SDK1: variants seen among roughly 807,000 people sequenced by gnomAD.
The protein encoded by SDK1 is protein sidekick-1.
A neutral mutation model predicts 245.5 loss-of-function variants in SDK1; 157 were observed. That is an observed-to-expected ratio of 0.64 (90% CI 0.56 to 0.73). The LOEUF (loss-of-function observed/expected upper bound fraction) is 0.73, where lower values mean the gene tolerates loss of function less well. Among genes scored for constraint, SDK1 ranks in the 30% least tolerant of loss-of-function variants. The pLI is 0.00. For synonymous variants in SDK1, 1,647 were observed against 1,278.5 expected (o/e 1.29, Z -6.15); for missense variants, 3,583 against 3,002.3 (o/e 1.19, Z -4.52).
intron 5 of SDK1, among the ~76,000 whole-genome samples, chr7:3,863,843 C>T (rs183602756): frequency 2.6e-5 from 4 of 152,188 alleles, no homozygotes; most frequent in East Asian, 3.8e-4. Context: ...CCCTGACGGG[C>T]GCTTGGGTTG....
intron 5 of SDK1, among the ~76,000 whole-genome samples, chr7:3,950,216 G>C (rs919091449): frequency 6.6e-6 from 1 of 152,198 alleles, no homozygotes; most frequent in Admixed American, 6.5e-5. Flanking sequence ...GGCTGTGCTT[G>C]GACCCCATCT....
At chr7:3,506,544 A>G (rs1183304744) in intron 1 of SDK1, among the ~76,000 whole-genome samples, 22 of 152,154 alleles carry the variant, frequency 1.4e-4, no homozygotes, top group Non-Finnish European at 4.4e-5. Context: ...CTTGACTCTG[A>G]TGACTCTGAT....
At chr7:3,814,613 C>T (rs1230760972) in intron 4 of SDK1, among the ~76,000 whole-genome samples, 11 of 151,792 alleles carry the variant, frequency 7.2e-5, no homozygotes, top group South Asian at 2.1e-4. Context: ...TTTGGTTCCA[C>T]ATGAACTTTA....
chr7:3,721,469 A>T (rs1778798501), intron 4 of SDK1, among the ~76,000 whole-genome samples: 2 of 152,206 alleles, frequency 1.3e-5, no homozygotes, highest in Non-Finnish European at 2.9e-5. Context: ...AGACAATATG[A>T]ATGAGAGAAC....
At chr7:3,771,614 T>C (rs377590136) in intron 4 of SDK1, among the ~76,000 whole-genome samples, 20 of 152,354 alleles carry the variant, frequency 1.3e-4, no homozygotes, top group African/African-American at 4.8e-4. Context: ...AAGCCATCCA[T>C]CATGGAAAGA....
intron 44 of SDK1, among the ~76,000 whole-genome samples, chr7:4,249,890 T>C (rs1289788042): frequency 1.3e-5 from 2 of 152,198 alleles, no homozygotes; most frequent in African/African-American, 2.4e-5. Flanking sequence ...TCACATGTCA[T>C]ACAATTCACT....
intron 1 of SDK1, among the ~76,000 whole-genome samples, chr7:3,486,833 A>G (rs1583933381): frequency 6.6e-6 from 1 of 152,300 alleles, no homozygotes; most frequent in East Asian, 1.9e-4. Flanking sequence ...TTTTGTGAAC[A>G]TTCCACATGT....
At chr7:3,880,209 G>A (rs903900859) in intron 5 of SDK1, among the ~76,000 whole-genome samples, 2 of 152,174 alleles carry the variant, frequency 1.3e-5, no homozygotes, top group African/African-American at 4.8e-5. Context: ...ATGGCCAGGT[G>A]GGCCTTCATT....
intron 22 of SDK1, among the ~76,000 whole-genome samples, chr7:4,085,280 G>C (rs1292980615): frequency 6.6e-6 from 1 of 152,112 alleles, no homozygotes; most frequent in African/African-American, 2.4e-5. Context: ...GACTAACAGA[G>C]ACTACTGAAT....
At chr7:3,810,944 ACT>A (rs2115047176) in intron 4 of SDK1, among the ~76,000 whole-genome samples, 1 of 152,114 alleles carries the variant, frequency 6.6e-6, no homozygotes, top group East Asian at 1.9e-4. Context: ...TCATTTTATG[ACT>A]CTAATGTGAT....
At chr7:3,589,913 A>T (rs1780807266) in intron 1 of SDK1, among the ~76,000 whole-genome samples, 1 of 152,194 alleles carries the variant, frequency 6.6e-6, no homozygotes, top group East Asian at 1.9e-4. Flanking sequence ...GCAATAACAG[A>T]TGGAATATTG....
At chr7:3,478,547 C>G (rs1781415133) in intron 1 of SDK1, among the ~76,000 whole-genome samples, 1 of 151,788 alleles carries the variant, frequency 6.6e-6, no homozygotes, top group Non-Finnish European at 1.5e-5. Context: ...ATTCAGTTAT[C>G]ACAAATTTTA....
At chr7:3,681,159 T>C (rs1784087467) in intron 4 of SDK1, among the ~76,000 whole-genome samples, 2 of 152,028 alleles carry the variant, frequency 1.3e-5, no homozygotes, top group East Asian at 1.9e-4. Flanking sequence ...TGTATTTCTT[T>C]ATAGTTTCAC....
chr7:4,236,744 G>T (rs1786191110), intron 41 of SDK1, among the ~76,000 whole-genome samples: 1 of 152,080 alleles, frequency 6.6e-6, no homozygotes, highest in African/African-American at 2.4e-5. Flanking sequence ...ACAGGAGGAG[G>T]CGTAACAGGT....
At chr7:3,439,150 G>C (rs1029570103) in intron 1 of SDK1, among the ~76,000 whole-genome samples, 1 of 152,038 alleles carries the variant, frequency 6.6e-6, no homozygotes, top group Non-Finnish European at 1.5e-5. Flanking sequence ...ACCATGCCCG[G>C]CCCCCCTTTC....
chr7:3,552,822 C>G (rs1199223482), intron 1 of SDK1, among the ~76,000 whole-genome samples: 1 of 152,192 alleles, frequency 6.6e-6, no homozygotes. Context: ...AGTCATTTTA[C>G]TCTGATGTTC....
At chr7:4,114,815 A>T (rs572584702) in intron 25 of SDK1, among the ~76,000 whole-genome samples, 1 of 152,162 alleles carries the variant, frequency 6.6e-6, no homozygotes, top group South Asian at 2.1e-4. Context: ...CTGTGGGACT[A>T]ATCTCCTTCT....
intron 1 of SDK1, among the ~76,000 whole-genome samples, chr7:3,475,840 G>A (rs1021784996): frequency 1.3e-5 from 2 of 152,078 alleles, no homozygotes; most frequent in African/African-American, 4.8e-5. Flanking sequence ...TGCCTCTCTG[G>A]CTCTCTGTGG....
intron 25 of SDK1, among the ~76,000 whole-genome samples, chr7:4,122,630 G>A (rs1160419880): frequency 6.6e-6 from 1 of 152,060 alleles, no homozygotes; most frequent in East Asian, 1.9e-4. Flanking sequence ...GGATAAATGA[G>A]GCCTTAAAAA....
Sources: allele counts gnomAD v4.1 joint callset (sites outside exome capture counted in the v4.1 genomes callset), GRCh38; gene constraint gnomAD v4.1.1; transcripts MANE v1.5; gene names NCBI Gene and HGNC (gene_info 2026-07-23, HGNC 2026-07-21).